Variants in RASAL2 observed in about 807,000 individuals in gnomAD.
The protein encoded by RASAL2 is ras GTPase-activating protein nGAP.
A neutral mutation model predicts 128.9 loss-of-function variants in RASAL2; 58 were observed. The ratio of observed to expected loss-of-function variants is 0.45; its 90% confidence interval spans 0.36 to 0.56. The LOEUF is 0.56. Ranked by LOEUF, RASAL2 falls within the 20% of genes least tolerant of loss-of-function variation. RASAL2 has a pLI of 0.00. For missense variants in RASAL2, 1,360 were observed against 1,601.6 expected, an observed-to-expected ratio of 0.85 and a Z score of 2.57; for synonymous variants, 561 against 580.8, an observed-to-expected ratio of 0.97 and a Z score of 0.49.
chr1:178,377,548 T>A (rs1248711625), intron 3 of RASAL2, among the ~76,000 whole-genome samples: 1 of 152,152 alleles, frequency 6.6e-6, no homozygotes, highest in Middle Eastern at 3.2e-3. Flanking sequence ...AAGTAAAGAA[T>A]TAGAACTGAA....
chr1:178,264,926 A>C (rs1309119829), intron 1 of RASAL2, among the ~76,000 whole-genome samples: 1 of 152,176 alleles, frequency 6.6e-6, no homozygotes, highest in Non-Finnish European at 1.5e-5. Context: ...TTTGGGGGCC[A>C]CTAAGAGTCA....
chr1:178,122,735 A>G (rs1659761577), intron 1 of RASAL2, among the ~76,000 whole-genome samples: 1 of 152,038 alleles, frequency 6.6e-6, no homozygotes, highest in African/African-American at 2.4e-5. Flanking sequence ...TATAGCTGGG[A>G]TAAATGTAGT....
intron 3 of RASAL2, among the ~76,000 whole-genome samples, chr1:178,337,489 C>G (rs1039450827): frequency 2.0e-5 from 3 of 152,128 alleles, no homozygotes; most frequent in Non-Finnish European, 4.4e-5. Flanking sequence ...GAATGCCAAT[C>G]TTTTTTATGG....
At chr1:178,470,936 A>AT (rs1047160122) in intron 17 of RASAL2, among the ~76,000 whole-genome samples, 23 of 151,950 alleles carry the variant, frequency 1.5e-4, no homozygotes, top group East Asian at 3.9e-4. Context: ...TCTCTATTTG[A>AT]TTTTTTTTAA....
chr1:178,286,526 T>C (rs1311105779), intron 2 of RASAL2, among the ~76,000 whole-genome samples: 1 of 152,192 alleles, frequency 6.6e-6, no homozygotes, highest in African/African-American at 2.4e-5. Flanking sequence ...TTCTCCTGCC[T>C]CAGCCTCCCG....
intron 1 of RASAL2, among the ~76,000 whole-genome samples, chr1:178,099,214 T>A (rs1476845136): frequency 6.6e-6 from 1 of 152,256 alleles, no homozygotes; most frequent in African/African-American, 2.4e-5. Context: ...GTACTGTTAA[T>A]TGAATCTTTA....
rs1256397629 is a variant in RASAL2, at chr1:178,457,218, C to G, written c.2390+319C>G. On this transcript the variant is annotated intron_variant, in intron 13 of 17. Coordinates refer to ENST00000367649, the MANE Select transcript of RASAL2 (RefSeq NM_170692.4). ...TATAGCATTCAAAATCTTGGAGAAC[C>G]TCGGTTAAAACCATTTTATAGCTGG... Among the ~76,000 whole-genome samples the G allele has an allele frequency of 5.3e-5, 8 of 152,142 alleles. No individual in the cohort carries two copies. The East Asian group carries it at 1.5e-3, about 29-fold the overall frequency.
At chr1:178,206,638 C>CTCTT (rs1174056978) in intron 1 of RASAL2, among the ~76,000 whole-genome samples, 1 of 152,166 alleles carries the variant, frequency 6.6e-6, no homozygotes, top group Non-Finnish European at 1.5e-5. Flanking sequence ...CTAGTCACTA[C>CTCTT]TCTTTGGTGA....
intron 1 of RASAL2, among the ~76,000 whole-genome samples, chr1:178,154,450 A>G (rs998116373): frequency 6.6e-6 from 1 of 151,982 alleles, no homozygotes; most frequent in South Asian, 2.1e-4. Flanking sequence ...TGCCTAGCCT[A>G]TGATTAATTT....
chr1:178,346,295 A>G (rs1571899374), intron 3 of RASAL2, among the ~76,000 whole-genome samples: 2 of 152,132 alleles, frequency 1.3e-5, no homozygotes, highest in South Asian at 4.2e-4. Context: ...CCAGCTACTC[A>G]GAAGGCTGAG....
intron 2 of RASAL2, among the ~76,000 whole-genome samples, chr1:178,286,479 C>A (rs892865522): frequency 6.6e-6 from 1 of 152,090 alleles, no homozygotes; most frequent in Non-Finnish European, 1.5e-5. Context: ...GGTGCCATCT[C>A]GGCTCACTGC....
intron 1 of RASAL2, among the ~76,000 whole-genome samples, chr1:178,213,793 C>A (rs2101989834): frequency 6.6e-6 from 1 of 151,570 alleles, no homozygotes; most frequent in South Asian, 2.1e-4. Flanking sequence ...ATGAGGGAAC[C>A]TTCTGGGATC....
chr1:178,434,984 A>G (rs1272171688), intron 5 of RASAL2, among the ~76,000 whole-genome samples: 6 of 152,026 alleles, frequency 3.9e-5, no homozygotes, highest in African/African-American at 1.2e-4. Context: ...AGGGTACCCA[A>G]TTTTGTTAAT....
At chr1:178,180,660 G>GTC (rs1289164695) in intron 1 of RASAL2, among the ~76,000 whole-genome samples, 6 of 8,552 alleles carry the variant, frequency 7.0e-4, no homozygotes, top group Non-Finnish European at 9.3e-4. Flanking sequence ...GAGCGAGACT[G>GTC]TCTCACACAC....
intron 3 of RASAL2, among the ~76,000 whole-genome samples, chr1:178,350,735 G>A (rs558570258): frequency 4.3e-4 from 66 of 152,308 alleles, no homozygotes; most frequent in African/African-American, 1.5e-3. Context: ...TTGGCAAGGA[G>A]TCACTCCTAG....
At chr1:178,413,175 G>T (rs1674525419) in intron 4 of RASAL2, among the ~76,000 whole-genome samples, 1 of 152,096 alleles carries the variant, frequency 6.6e-6, no homozygotes, top group African/African-American at 2.4e-5. Flanking sequence ...GGCCAGGCTG[G>T]TCTCAAACTC....
intron 3 of RASAL2, among the ~76,000 whole-genome samples, chr1:178,345,411 A>T (rs1468652826): frequency 2.6e-5 from 4 of 152,170 alleles, no homozygotes; most frequent in African/African-American, 9.7e-5. Flanking sequence ...TAGGATAGCT[A>T]GCCTGTTAGA....
chr1:178,238,942 A>C (rs1304059803), intron 1 of RASAL2, among the ~76,000 whole-genome samples: 2 of 152,050 alleles, frequency 1.3e-5, no homozygotes, highest in African/African-American at 4.8e-5. Flanking sequence ...ATGACTCTGG[A>C]TCTATGATTA....
intron 1 of RASAL2, among the ~76,000 whole-genome samples, chr1:178,146,618 T>G (rs1660738696): frequency 6.6e-6 from 1 of 152,214 alleles, no homozygotes; most frequent in Non-Finnish European, 1.5e-5. Flanking sequence ...CAGGAAATGT[T>G]TATGCAGCTT....
Sources: allele counts gnomAD v4.1 joint callset (sites outside exome capture counted in the v4.1 genomes callset), GRCh38; gene constraint gnomAD v4.1.1; transcripts MANE v1.5; gene names NCBI Gene and HGNC (gene_info 2026-07-23, HGNC 2026-07-21).